MORN1: variants seen among roughly 807,000 people sequenced by gnomAD.
MORN1 encodes MORN repeat containing 1.
In MORN1, 67 loss-of-function variants were observed where a neutral mutation model predicts 61.9. That is an observed-to-expected ratio of 1.08 (90% CI 0.89 to 1.33). MORN1 has a LOEUF of 1.33. Among genes scored for constraint, MORN1 ranks in the 40% most tolerant of loss-of-function variants. The probability of loss-of-function intolerance (pLI) is 0.00; values close to 1 mark genes in which losing one functional copy is unlikely to be tolerated. For missense variants in MORN1, 752 were observed against 691.2 expected (o/e 1.09, Z -0.99); for synonymous variants, 301 against 292.0 (o/e 1.03, Z -0.31).
In MORN1 at chr1:2,357,348, T is replaced by C; in HGVS notation, c.1036+84A>G. ...GCGGCTTGCTCCTGCTCTGGCCTGGTTCTGGGTCCCCATGACCCCACCCCC... is the reference window on the plus strand; with the variant it reads ...GCGGCTTGCTCCTGCTCTGGCCTGGCTCTGGGTCCCCATGACCCCACCCCC... On this transcript the variant is annotated intron_variant, in intron 10 of 13. Transcript: ENST00000378531. The surrounding 1 kb of genome is among the most constrained non-coding windows in gnomAD (Gnocchi z 6.3). The C allele has an allele frequency of 6.8e-7, 1 of 1,467,086 alleles. No homozygotes were observed. The highest frequency in any genetic ancestry group is 9.2e-7 in the Non-Finnish European group (1 of 1,086,720). 90.9% of individuals were successfully genotyped at this position (1,467,086 alleles called of 1,614,324 possible). A position where few individuals can be genotyped will look rare whatever the true frequency, so the allele number is the denominator to read the frequency against.
chr1:2,339,000 A>G (rs1194778486), intron 10 of MORN1, among the ~76,000 whole-genome samples: 1 of 152,158 alleles, frequency 6.6e-6, no homozygotes, highest in Non-Finnish European at 1.5e-5. Flanking sequence ...CAGGGCCTAT[A>G]AAGCCGGGTT....
At chr1:2,329,272 C>T (rs988181328) in intron 12 of MORN1, among the ~76,000 whole-genome samples, 1 of 152,224 alleles carries the variant, frequency 6.6e-6, no homozygotes, top group African/African-American at 2.4e-5. Context: ...CCGCCCGGCC[C>T]TCACACCTGC....
chr1:2,342,897 T>TTTTATTTTATTTTA, intron 10 of MORN1, among the ~76,000 whole-genome samples: 1 of 145,722 alleles, frequency 6.9e-6, no homozygotes, highest in African/African-American at 2.5e-5. Context: ...TTTTATTTTA[T>TTTTATTTTATTTTA]TTTATTTTAT....
intron 6 of MORN1, chr1:2,379,217 G>A (rs1328559166): frequency 4.3e-6 from 2 of 466,968 alleles, no homozygotes; most frequent in Non-Finnish European, 8.9e-6. Context: ...CTATAGATGG[G>A]TGGATCAGAG....
At chr1:2,363,821 TATATAA>T (rs1641947184) in intron 8 of MORN1, among the ~76,000 whole-genome samples, 1 of 119,868 alleles carries the variant, frequency 8.3e-6, no homozygotes, top group African/African-American at 3.0e-5. Flanking sequence ...AATATATATA[TATATAA>T]AAAAAATCAG....
rs138604899 is a variant in MORN1, at chr1:2,339,884, G to A, written c.1037-3034C>T. Among the ~76,000 whole-genome samples the A allele has an allele frequency of 6.0e-3, 918 of 152,372 alleles. 9 individuals carry two copies. Among genetic ancestry groups the A allele is most frequent in the African/African-American group, 0.02 (844 of 41,604 alleles). The stretch of plus-strand genomic sequence containing the variant: ...GAGGGCACGGGAAGGCCCAGCCAAA[G>A]TGTCCTGCGGGGCTGCTCCCCGTGG... On this transcript the variant is annotated intron_variant, in intron 10 of 13. Coordinates refer to ENST00000378531, the MANE Select transcript of MORN1 (RefSeq NM_024848.3).
intron 12 of MORN1, among the ~76,000 whole-genome samples, chr1:2,325,179 T>TTCCCTCCCTTTCTTCCTTCCC (rs1422798387): frequency 2.1e-5 from 2 of 96,198 alleles, no homozygotes; most frequent in African/African-American, 4.7e-5. Flanking sequence ...CTTTCCTTCC[T>TTCCCTCCCTTTCTTCCTTCCC]TCCCTTCCTT....
In MORN1 at chr1:2,358,676, C is replaced by G; in HGVS notation, c.785G>C (p.Arg262Thr). The change falls in exon 9 of 14, where the codon AGA becomes ACA. Residue 262 changes from arginine (R) to threonine (T), a missense_variant. Physicochemically the swap from Arg to Thr is moderately conservative, Grantham distance 71. Transcript: ENST00000378531. ...AGAGTAGGCTGACAGCTGCACGTAT[C>G]TGACGCCCGCTGAGATCTGCAGGAC... ...GRVLQISAGV[R>T]YVQLSAYSEV... The G allele has an allele frequency of 6.2e-7, 1 of 1,613,704 alleles. No homozygotes were observed. Among genetic ancestry groups the G allele is most frequent in the South Asian group, 1.1e-5 (1 of 90,992 alleles).
chr1:2,388,387 C>T (rs762363627), intron 2 of MORN1, 50 bp from the exon 3 acceptor site: 10 of 1,446,656 alleles, frequency 6.9e-6, no homozygotes, highest in South Asian at 4.6e-5. Context: ...GGGTTGACTG[C>T]GAATGACACT....
intron 6 of MORN1, among the ~76,000 whole-genome samples, chr1:2,380,570 G>A (rs1642349467): frequency 6.6e-6 from 1 of 152,136 alleles, no homozygotes; most frequent in Non-Finnish European, 1.5e-5. Context: ...TTGAGACAGG[G>A]TCTTGCTCTG....
In MORN1 at chr1:2,337,079, GC is replaced by G. The variant is rs1390995383; in HGVS notation, c.1037-230del. ...GTCCTCCGTGTCCACGGCCTCTGAC[GC>G]CCCCGCCCCCTTCTGAGTCCACCCC... On this transcript the variant is annotated intron_variant, in intron 10 of 13. Transcript: ENST00000378531. The surrounding 1 kb of genome is among the most constrained non-coding windows in gnomAD (Gnocchi z 5.7). 6.6e-6 allele frequency among the ~76,000 whole-genome samples: 1 copy of G among 151,922 alleles called. No homozygotes were observed. Among genetic ancestry groups the G allele is most frequent in the Non-Finnish European group, 1.5e-5 (1 of 67,944 alleles).
At chr1:2,368,939 G>C (rs7514750) in intron 8 of MORN1, among the ~76,000 whole-genome samples, 47,374 of 151,432 alleles carry the variant, frequency 0.31, 8,013 homozygotes, top group South Asian at 0.45. Flanking sequence ...TGCCTGTAGT[G>C]CCAGCTACTT....
intron 8 of MORN1, among the ~76,000 whole-genome samples, chr1:2,366,945 A>C (rs1049580249): frequency 2.0e-5 from 3 of 152,192 alleles, no homozygotes; most frequent in African/African-American, 7.2e-5. Flanking sequence ...ACAGAATATC[A>C]ATAATATCAA....
chr1:2,370,067 G>A (rs1035703499), intron 8 of MORN1, among the ~76,000 whole-genome samples: 2 of 152,212 alleles, frequency 1.3e-5, no homozygotes, highest in African/African-American at 4.8e-5. Flanking sequence ...AAAACTGGAG[G>A]ACTCTCCAAT....
intron 8 of MORN1, among the ~76,000 whole-genome samples, chr1:2,366,164 C>T (rs1391298942): frequency 1.3e-5 from 2 of 151,144 alleles, no homozygotes; most frequent in Non-Finnish European, 2.9e-5. Context: ...ATGATGAGTT[C>T]GTGTCCTTTG....
chr1:2,327,436 C>A (rs548521772), intron 12 of MORN1, among the ~76,000 whole-genome samples: 1 of 142,832 alleles, frequency 7.0e-6, no homozygotes, highest in African/African-American at 2.6e-5. Flanking sequence ...AGAAACACAG[C>A]GACGCAGAAA....
chr1:2,343,324 C>A (rs1228522787), intron 10 of MORN1, among the ~76,000 whole-genome samples: 5 of 152,228 alleles, frequency 3.3e-5, no homozygotes, highest in South Asian at 4.1e-4. Context: ...AGGAGCCCCC[C>A]ACAAAGCTGT....
intron 6 of MORN1, among the ~76,000 whole-genome samples, chr1:2,382,455 G>A (rs111576152): frequency 7.7e-4 from 118 of 152,310 alleles, no homozygotes; most frequent in African/African-American, 2.6e-3. Context: ...CCACACACCC[G>A]AGCCCAAGCT....
At chr1:2,381,973 GCCGT>G (rs957047989) in intron 6 of MORN1, among the ~76,000 whole-genome samples, 8 of 152,160 alleles carry the variant, frequency 5.3e-5, no homozygotes, top group African/African-American at 1.9e-4. Context: ...GAGGGAGGGC[GCCGT>G]CCCTTGCCTG....
Sources: allele counts gnomAD v4.1 joint callset (sites outside exome capture counted in the v4.1 genomes callset), GRCh38; gene constraint gnomAD v4.1.1; non-coding constraint Gnocchi (gnomAD v3.1); transcripts MANE v1.5; gene names NCBI Gene and HGNC (gene_info 2026-07-23, HGNC 2026-07-21).